Variants in DGCR8 observed in about 807,000 individuals in gnomAD.
DGCR8 encodes the protein microprocessor complex subunit DGCR8.
A neutral mutation model predicts 78.5 loss-of-function variants in DGCR8; 14 were observed. The observed-to-expected ratio is 0.18, with a 90% confidence interval of 0.12 to 0.28. The LOEUF is 0.28. Among genes scored for constraint, DGCR8 ranks in the 10% least tolerant of loss-of-function variants. The pLI is 1.00. For synonymous variants in DGCR8, 399 were observed against 402.4 expected (o/e 0.99, Z 0.10); for missense variants, 702 against 1,022.5 (o/e 0.69, Z 4.28).
At chr22:20,084,994 G>T (rs763087029) in intron 1 of DGCR8, 1 of 985,298 alleles carries the variant, frequency 1.0e-6, no homozygotes, top group African/African-American at 1.7e-5. Flanking sequence ...CTGTGCCTCG[G>T]CTCCAGCTGT....
Position 20,110,721 on chromosome 22 carries a change from A to G in DGCR8, c.*613A>G, listed in dbSNP as rs1037854348. 1 of 160,506 alleles carries G rather than the reference A, an allele frequency of 6.2e-6. No homozygotes were observed. The highest frequency in any genetic ancestry group is 1.4e-5 in the Non-Finnish European group (1 of 73,748). The allele number at this position is 160,506 out of a possible 1,614,324, so 9.9% of individuals were successfully genotyped here. A position where few individuals can be genotyped will look rare whatever the true frequency, so the allele number is the denominator to read the frequency against. ...AACTAGCTTTCTGGGATTGGAGGCA[A>G]ACCATCAAGGTGGTCCCTCTCCAGT... On this transcript the variant is annotated 3_prime_UTR_variant, in exon 14 of 14. Coordinates refer to ENST00000351989, the MANE Select transcript of DGCR8 (RefSeq NM_022720.7).
intron 8 of DGCR8, among the ~76,000 whole-genome samples, chr22:20,094,025 AG>A (rs1337976884): frequency 2.6e-5 from 4 of 152,150 alleles, no homozygotes; most frequent in Non-Finnish European, 5.9e-5. Flanking sequence ...GATAACTTGC[AG>A]TGGGGCCTTT....
chr22:20,105,206 A>G (rs1282560740), intron 9 of DGCR8, among the ~76,000 whole-genome samples: 1 of 152,220 alleles, frequency 6.6e-6, no homozygotes, highest in Non-Finnish European at 1.5e-5. Context: ...GGGCAGGGCT[A>G]GTAGTCCATA....
At chr22:20,094,604 T>G in intron 8 of DGCR8, 109 bp from the exon 9 acceptor site, 1 of 997,876 alleles carries the variant, frequency 1.0e-6, no homozygotes, top group South Asian at 1.4e-5. Context: ...GGGCCCTCGC[T>G]CAGCCTCTGA....
chr22:20,095,636 C>A (rs183501765), intron 9 of DGCR8, among the ~76,000 whole-genome samples: 4 of 152,338 alleles, frequency 2.6e-5, no homozygotes, highest in Non-Finnish European at 4.4e-5. Flanking sequence ...CACCAGAGAT[C>A]AGTTTCAGGG....
rs1042513389 is a variant in DGCR8 at position 20,111,831 on chromosome 22, C to T, written c.*1723C>T. ...AGGGCACTGGGCTGTGCCTGGAAGG[C>T]GAGCCTTGATTGTCTGAACACATAA... is the stretch of plus-strand genomic sequence containing the variant. On this transcript the variant is annotated 3_prime_UTR_variant, in exon 14 of 14. Transcript: ENST00000351989. 10 of 191,938 alleles carry T rather than the reference C, an allele frequency of 5.2e-5. 1 individual carries two copies. The highest frequency in any genetic ancestry group is 3.4e-4 in the East Asian group (3 of 8,756). 11.9% of individuals were successfully genotyped at this position (191,938 alleles called of 1,614,324 possible). A position where few individuals can be genotyped will look rare whatever the true frequency, so the allele number is the denominator to read the frequency against.
At position 20,087,579 on chromosome 22, in the gene DGCR8, T is replaced by A. The variant is rs2049501478; in HGVS notation, c.880+258T>A. On this transcript the variant is annotated intron_variant, in intron 3 of 13. Coordinates refer to ENST00000351989, the MANE Select transcript of DGCR8 (RefSeq NM_022720.7). This position sits in a 1 kb window ranked among gnomAD's most constrained non-coding sequence, Gnocchi z 4.1. ...CTGTGCAGAGGAATGGGAGGGGACT[T>A]CTGAGGGGGTCAGGAGGGGATGTTG... is the stretch of plus-strand genomic sequence containing the variant. 1.3e-5 allele frequency among the ~76,000 whole-genome samples: 2 copies of A among 152,042 alleles called. No individual in the cohort carries two copies. Among genetic ancestry groups the A allele is most frequent in the Admixed American group, 6.5e-5 (1 of 15,274 alleles).
At chr22:20,095,120 T>G (rs879932185) in intron 9 of DGCR8, among the ~76,000 whole-genome samples, 3 of 152,140 alleles carry the variant, frequency 2.0e-5, no homozygotes, top group Non-Finnish European at 4.4e-5. Context: ...AGATTGTTCT[T>G]TTTTTTGAGA....
intron 9 of DGCR8, among the ~76,000 whole-genome samples, chr22:20,098,285 G>C (rs2049654957): frequency 6.6e-6 from 1 of 152,084 alleles, no homozygotes; most frequent in African/African-American, 2.4e-5. Context: ...CACTGTGCTG[G>C]CATTATACTT....
chr22:20,090,358 G>T, intron 5 of DGCR8, 100 bp downstream of exon 5: 1 of 1,357,438 alleles, frequency 7.4e-7, no homozygotes, highest in Non-Finnish European at 1.0e-6. Context: ...AGTTGTACTT[G>T]TGAGCAAGGG....
intron 9 of DGCR8, among the ~76,000 whole-genome samples, chr22:20,098,341 T>C (rs2049655492): frequency 1.3e-5 from 2 of 152,126 alleles, no homozygotes; most frequent in Admixed American, 6.5e-5. Flanking sequence ...ATGTTTTCTG[T>C]AGGTGATGTA....
At chr22:20,101,577 C>CAA (rs57386389) in intron 9 of DGCR8, 148,394 of 820,984 alleles carry the variant, frequency 0.18, 2,409 homozygotes, top group Middle Eastern at 0.2. Context: ...GAATATGTCT[C>CAA]AAAAAAAAAA....
Position 20,111,706 on chromosome 22 carries a change from G to GCCACCCC in DGCR8, c.*1600_*1601insACCCCCC, listed in dbSNP as rs2049850334. 2 of 63,028 alleles carry GCCACCCC rather than the reference G, an allele frequency of 3.2e-5. No homozygotes were observed. Among genetic ancestry groups the GCCACCCC allele is most frequent in the African/African-American group, 1.7e-4 (2 of 11,454 alleles). 3.9% of individuals were successfully genotyped at this position (63,028 alleles called of 1,614,324 possible). A position where few individuals can be genotyped will look rare whatever the true frequency, so the allele number is the denominator to read the frequency against. On this transcript the variant is annotated 3_prime_UTR_variant, in exon 14 of 14. Transcript: ENST00000351989. Reference sequence around the variant, plus strand: ...TGCCATACTCTTGTGGTCTCTGTGCGCCCCCCCCCCCCCCCCACCCGTCTG... The same window carrying GCCACCCC: ...TGCCATACTCTTGTGGTCTCTGTGCGCCACCCCCCCCCCCCCCCCCCCCACCCGTCTG...
chr22:20,083,210 C>T (rs970377545), intron 1 of DGCR8, among the ~76,000 whole-genome samples: 3 of 152,170 alleles, frequency 2.0e-5, no homozygotes, highest in African/African-American at 7.2e-5. Flanking sequence ...GCCTCCCCTT[C>T]TTCAGGCGCT....
chr22:20,102,080 CTTTTTTTT>C, intron 9 of DGCR8: 1 of 815,652 alleles, frequency 1.2e-6, no homozygotes, highest in Non-Finnish European at 1.5e-6. Context: ...CAAGTGTTTT[CTTTTTTTT>C]TTTTCATCTT....
At chr22:20,097,687 C>G (rs1267185765) in intron 9 of DGCR8, among the ~76,000 whole-genome samples, 1 of 152,040 alleles carries the variant, frequency 6.6e-6, no homozygotes, top group African/African-American at 2.4e-5. Context: ...GCCCTGTCTT[C>G]AAGTTTGCTC....
rs946216902 is a variant in DGCR8, at chr22:20,101,628, C to G, written c.1789-4549C>G. On this transcript the variant is annotated intron_variant, in intron 9 of 13. Coordinates refer to ENST00000351989, the MANE Select transcript of DGCR8 (RefSeq NM_022720.7). ...ATCTGTGATGTCCCCATTTAAAAATCTGTCAGAGGGGAAAGTAGCTTTTCC... is the reference window on the plus strand; with the variant it reads ...ATCTGTGATGTCCCCATTTAAAAATGTGTCAGAGGGGAAAGTAGCTTTTCC... The G allele has an allele frequency of 6.1e-6, 6 of 985,126 alleles. No homozygotes were observed. The African/African-American group carries it at 7.0e-5, about 11-fold the overall frequency. The allele number at this position is 985,126 out of a possible 1,614,324, so 61.0% of individuals were successfully genotyped here. A position where few individuals can be genotyped will look rare whatever the true frequency, so the allele number is the denominator to read the frequency against.
intron 12 of DGCR8, chr22:20,107,604 T>C (rs2049785854): frequency 1.6e-6 from 1 of 606,148 alleles, no homozygotes. Flanking sequence ...GCATGGTCAG[T>C]GAAGTGTGGG....
At chr22:20,099,861 C>T (rs1353925588) in intron 9 of DGCR8, among the ~76,000 whole-genome samples, 1 of 152,182 alleles carries the variant, frequency 6.6e-6, no homozygotes, top group Admixed American at 6.5e-5. Context: ...TCTTGAACTC[C>T]TGGCTTCAAG....
Sources: gnomAD v4.1 joint callset for allele counts (sites outside exome capture counted in the v4.1 genomes callset) on GRCh38, gnomAD v4.1.1 for gene constraint, Gnocchi (gnomAD v3.1) non-coding constraint, MANE v1.5 for transcripts, NCBI Gene and HGNC (gene_info 2026-07-23, HGNC 2026-07-21) for gene names.